The following SEMA6D variants were observed in gnomAD, a reference collection of about 807,000 sequenced individuals.
The protein encoded by SEMA6D is semaphorin-6D.
In SEMA6D, 35 loss-of-function variants were observed where a neutral mutation model predicts 106.6. The ratio of observed to expected loss-of-function variants is 0.33; its 90% CI spans 0.25 to 0.44. The LOEUF (loss-of-function observed/expected upper bound fraction) is 0.44, where lower values mean the gene tolerates loss of function less well. Ranked by LOEUF, SEMA6D falls within the 20% of genes least tolerant of loss-of-function variation. The pLI is 1.00. For synonymous variants in SEMA6D, 499 were observed against 487.7 expected (o/e 1.02, Z -0.31); for missense variants, 1,185 against 1,345.9 (o/e 0.88, Z 1.87).
chr15:47,378,322 C>G (rs2039519777), intron 1 of SEMA6D, among the ~76,000 whole-genome samples: 1 of 152,064 alleles, frequency 6.6e-6, no homozygotes, highest in African/African-American at 2.4e-5. Flanking sequence ...ATGGAGAAAC[C>G]CCATCTCTAC....
At chr15:47,407,146 C>G (rs2146114243) in intron 1 of SEMA6D, among the ~76,000 whole-genome samples, 1 of 152,042 alleles carries the variant, frequency 6.6e-6, no homozygotes, top group East Asian at 1.9e-4. Flanking sequence ...GGCAAATTAC[C>G]TGAGGTCAGG....
intron 2 of SEMA6D, among the ~76,000 whole-genome samples, chr15:47,449,209 A>G (rs1325415318): frequency 4.6e-5 from 7 of 152,146 alleles, no homozygotes; most frequent in Non-Finnish European, 1.5e-5. Flanking sequence ...TTTTATTGAA[A>G]TATAAGACAT....
chr15:47,769,597 A>G (rs2082525558), intron 18 of SEMA6D, among the ~76,000 whole-genome samples: 2 of 152,184 alleles, frequency 1.3e-5, no homozygotes, highest in Admixed American at 1.3e-4. Flanking sequence ...CCTTAGTACT[A>G]ACTTAAAGCA....
At chr15:47,257,322 T>G (rs971337090) in intron 1 of SEMA6D, among the ~76,000 whole-genome samples, 34 of 152,146 alleles carry the variant, frequency 2.2e-4, no homozygotes, top group African/African-American at 8.2e-4. Flanking sequence ...CCCCCAAAGT[T>G]CTGGGATTAC....
chr15:47,202,738 TTC>T, intron 1 of SEMA6D, among the ~76,000 whole-genome samples: 1 of 152,184 alleles, frequency 6.6e-6, no homozygotes, highest in Non-Finnish European at 1.5e-5. Context: ...TTGCCGCAGT[TTC>T]TCTTTCTGCC....
At chr15:47,344,875 T>C (rs1157032844) in intron 1 of SEMA6D, among the ~76,000 whole-genome samples, 1 of 152,188 alleles carries the variant, frequency 6.6e-6, no homozygotes, top group Non-Finnish European at 1.5e-5. Flanking sequence ...AAAATATCAA[T>C]ATACAAAAGT....
chr15:47,492,406 A>G (rs577553436), intron 3 of SEMA6D, among the ~76,000 whole-genome samples: 1 of 152,300 alleles, frequency 6.6e-6, no homozygotes, highest in African/African-American at 2.4e-5. Flanking sequence ...CTCCCTATCC[A>G]CAAGGGAAGG....
chr15:47,680,194 C>T lies in SEMA6D; in HGVS notation c.-55+79298C>T, dbSNP rs1596612666. ...TTTTCCTTTGTTGCCCTTTTCATCA[C>T]CTGCCCGTAGCAGCTCCTAGCATAT... On this transcript the variant is annotated intron_variant, in intron 4 of 19. Transcript: ENST00000558014. Among the ~76,000 whole-genome samples the T allele has an allele frequency of 2.6e-5, 4 of 152,246 alleles. 1 individual carries two copies. In the South Asian group the frequency reaches 8.3e-4, roughly 32 times the overall value.
chr15:47,279,588 C>T (rs1311319079), intron 1 of SEMA6D, among the ~76,000 whole-genome samples: 1 of 149,724 alleles, frequency 6.7e-6, no homozygotes, highest in African/African-American at 2.5e-5. Context: ...TGAGAGAGGG[C>T]ATCCCTGTCT....
chr15:47,469,341 CGTGTGTGTGT>C (rs113272376), intron 2 of SEMA6D, among the ~76,000 whole-genome samples: 1 of 147,022 alleles, frequency 6.8e-6, no homozygotes, highest in African/African-American at 2.5e-5. Context: ...CACGCATGTG[CGTGTGTGTGT>C]GTGTGTGTGT....
chr15:47,198,229 TAGAC>T (rs748149553), intron 1 of SEMA6D, among the ~76,000 whole-genome samples: 12 of 152,170 alleles, frequency 7.9e-5, no homozygotes, highest in African/African-American at 2.2e-4. Flanking sequence ...AAATTTCAGT[TAGAC>T]AGGAGGAATA....
intron 1 of SEMA6D, among the ~76,000 whole-genome samples, chr15:47,388,430 G>A (rs1167066182): frequency 6.6e-6 from 1 of 152,132 alleles, no homozygotes; most frequent in East Asian, 1.9e-4. Context: ...CTTCTGGGTA[G>A]TGTCATGAAA....
chr15:47,358,170 G>A (rs2038663647), intron 1 of SEMA6D, among the ~76,000 whole-genome samples: 1 of 152,090 alleles, frequency 6.6e-6, no homozygotes, highest in African/African-American at 2.4e-5. Flanking sequence ...CAAAGATTGT[G>A]TGGCTACCAT....
chr15:47,633,746 C>T (rs907751985), intron 4 of SEMA6D, among the ~76,000 whole-genome samples: 10 of 152,138 alleles, frequency 6.6e-5, no homozygotes, highest in African/African-American at 2.4e-4. Flanking sequence ...TTTCTTCTGA[C>T]ATCTGAAGAT....
chr15:47,203,516 C>T (rs1318017408), intron 1 of SEMA6D, among the ~76,000 whole-genome samples: 1 of 152,114 alleles, frequency 6.6e-6, no homozygotes, highest in Non-Finnish European at 1.5e-5. Context: ...ACCTTTGTTC[C>T]TGTGCCTTTC....
At chr15:47,673,644 G>A (rs2078181471) in intron 4 of SEMA6D, among the ~76,000 whole-genome samples, 2 of 152,156 alleles carry the variant, frequency 1.3e-5, no homozygotes, top group East Asian at 3.9e-4. Flanking sequence ...CAGTCTATGG[G>A]GCAAGACCAG....
At chr15:47,607,864 G>A (rs1182425211) in intron 4 of SEMA6D, among the ~76,000 whole-genome samples, 1 of 152,218 alleles carries the variant, frequency 6.6e-6, no homozygotes, top group East Asian at 1.9e-4. Context: ...ACAGGCAAAA[G>A]GCCTAGGGAG....
intron 1 of SEMA6D, among the ~76,000 whole-genome samples, chr15:47,738,790 C>T (rs1410294286): frequency 6.6e-6 from 1 of 152,164 alleles, no homozygotes. Flanking sequence ...ACAATGTGGG[C>T]AGAGCTCAGC....
At chr15:47,348,107 T>C (rs1462383040) in intron 1 of SEMA6D, among the ~76,000 whole-genome samples, 13 of 152,222 alleles carry the variant, frequency 8.5e-5, no homozygotes, top group Non-Finnish European at 4.4e-5. Context: ...ACCTAACACA[T>C]ATATTTAGGT....
Sources: gnomAD v4.1 joint callset for allele counts (sites outside exome capture counted in the v4.1 genomes callset) on GRCh38, gnomAD v4.1.1 for gene constraint, MANE v1.5 for transcripts, NCBI Gene and HGNC (gene_info 2026-07-23, HGNC 2026-07-21) for gene names.